The following NME1 variants were observed in gnomAD, a reference collection of about 807,000 sequenced individuals.
NME1 encodes nucleoside diphosphate kinase A.
A neutral mutation model predicts 17.2 loss-of-function variants in NME1; 9 were observed. The observed-to-expected ratio is 0.52, with a 90% confidence interval of 0.32 to 0.92. The LOEUF (loss-of-function observed/expected upper bound fraction) is 0.92. NME1 is among the 40% of genes least tolerant of loss of function. The pLI, the probability that NME1 is intolerant of heterozygous loss-of-function variation, is 0.04. For synonymous variants in NME1, 72 were observed against 70.8 expected, an observed-to-expected ratio of 1.02 and a Z score of -0.09; for missense variants, 169 against 201.7, an observed-to-expected ratio of 0.84 and a Z score of 0.98.
At position 51,161,208 on chromosome 17, in the gene NME1, G is replaced by T. The variant is rs2049860039; in HGVS notation, c.277G>T (p.Glu93Ter). 1 of 1,613,160 alleles carries T rather than the reference G, an allele frequency of 6.2e-7. No individual in the cohort carries two copies. The change falls in exon 4 of 5, where the codon GAG becomes TAG. Residue 93 changes from glutamate (E) to a stop codon, truncating the protein, a stop_gained. Transcript: ENST00000393196. LOFTEE classifies it high-confidence loss of function. The stretch of plus-strand genomic sequence containing the variant: ...GAAGACGGGCCGAGTCATGCTCGGG[G>T]AGACCAACCCTGCAGACTCCAAGCC... Reference protein sequence around the residue: ...VVKTGRVMLGETNPADSKPGT... With the variant: ...VVKTGRVMLG
In NME1 at chr17:51,161,783, T is replaced by G; in HGVS notation, c.397T>G (p.Trp133Gly). Residue 133 changes from tryptophan to glycine, a missense_variant, in exon 5 of 5, where the codon TGG (tryptophan) becomes GGG (glycine). Trp to Gly is a radical substitution (Grantham distance 184). Coordinates refer to ENST00000393196, the MANE Select transcript of NME1 (RefSeq NM_000269.3). Reference protein sequence around the residue: ...VESAEKEIGLWFHPEELVDYT... With the variant: ...VESAEKEIGLGFHPEELVDYT... ...GAGTGCAGAGAAGGAGATCGGCTTG[T>G]GGTTTCACCCTGAGGAACTGGTAGA... 6.2e-7 allele frequency: 1 copy of G among 1,614,152 alleles called. No individual in the cohort carries two copies.
rs982864417 is a variant in NME1 at position 51,162,084 on chromosome 17, CCTT to C, written c.*243_*245del. 1 of 476,460 alleles carries C rather than the reference CCTT, an allele frequency of 2.1e-6. No homozygotes were observed. The highest frequency in any genetic ancestry group is 3.8e-6 in the Non-Finnish European group (1 of 260,366). The allele number at this position is 476,460 out of a possible 1,614,324, so 29.5% of individuals were successfully genotyped here. On this transcript the variant is annotated 3_prime_UTR_variant, in exon 5 of 5. Transcript: ENST00000393196. ...TCATATTGTTGCATTGCTTTTTTTT[CCTT>C]CTTTTCATGTACACTGAATAACCTG...
At chr17:51,160,741 C>T (rs1358960214) in intron 3 of NME1, 2 of 330,030 alleles carry the variant, frequency 6.1e-6, no homozygotes, top group Admixed American at 8.9e-5. Flanking sequence ...TCCTGAGTAG[C>T]TGGGACTACA....
chr17:51,160,889 C>T (rs969614614), intron 3 of NME1, among the ~76,000 whole-genome samples: 6 of 152,086 alleles, frequency 3.9e-5, no homozygotes, highest in Non-Finnish European at 8.8e-5. Context: ...GGATTACAGG[C>T]GTGAGCCACT....
intron 2 of NME1, among the ~76,000 whole-genome samples, chr17:51,159,192 G>A (rs548717276): frequency 2.6e-5 from 4 of 152,138 alleles, no homozygotes; most frequent in Admixed American, 6.5e-5. Flanking sequence ...GGTGGGTCAC[G>A]CCTGTAAGCC....
chr17:51,156,431 A>ATT (rs2049787094), intron 2 of NME1: 1 of 157,566 alleles, frequency 6.3e-6, no homozygotes, highest in Non-Finnish European at 1.4e-5. Flanking sequence ...TCATACCTGT[A>ATT]ATCCCAGCAC....
intron 2 of NME1, chr17:51,156,266 G>C (rs2049784763): frequency 4.8e-6 from 1 of 209,176 alleles, no homozygotes. Context: ...TTTTGGTTTT[G>C]GGGAGGTTCT....
intron 1 of NME1, chr17:51,154,240 A>G: frequency 1.3e-6 from 1 of 796,076 alleles, no homozygotes; most frequent in East Asian, 2.5e-5. Context: ...GTGGCTAGGT[A>G]CCATAGAGTC....
At position 51,155,909 on chromosome 17, in the gene NME1, C is replaced by T. The variant is rs941533597; in HGVS notation, c.126+129C>T. 3.4e-6 allele frequency: 5 copies of T among 1,452,332 alleles called. No individual in the cohort carries two copies. The African/African-American group carries it at 5.6e-5, about 16-fold the overall frequency. 90.0% of individuals were successfully genotyped at this position (1,452,332 alleles called of 1,614,324 possible). A position where few individuals can be genotyped will look rare whatever the true frequency, so the allele number is the denominator to read the frequency against. On this transcript the variant is annotated intron_variant, in intron 2 of 4. Transcript: ENST00000393196. ...AGAGTGAACACAAGTGTCTTGAGAC[C>T]TGGAAACTCCTCAGTGCCCTAGCGT...
chr17:51,159,587 ACT>A (rs1486855244), intron 2 of NME1, among the ~76,000 whole-genome samples: 1 of 151,928 alleles, frequency 6.6e-6, no homozygotes, highest in Non-Finnish European at 1.5e-5. Flanking sequence ...ACAGAGGGAG[ACT>A]CTGTCTCAAA....
At chr17:51,159,935 T>G in intron 2 of NME1, 45 bp from the exon 3 acceptor site, 1 of 1,608,788 alleles carries the variant, frequency 6.2e-7, no homozygotes, top group Non-Finnish European at 8.5e-7. Context: ...TTATATGTCC[T>G]TAGATGGTTT....
At chr17:51,159,346 G>C (rs1470757948) in intron 2 of NME1, among the ~76,000 whole-genome samples, 1 of 152,154 alleles carries the variant, frequency 6.6e-6, no homozygotes, top group Admixed American at 6.5e-5. Flanking sequence ...TACGCCCGTA[G>C]TCCCGGCCCT....
intron 2 of NME1, among the ~76,000 whole-genome samples, chr17:51,159,537 C>T (rs1156421789): frequency 6.6e-6 from 1 of 151,938 alleles, no homozygotes; most frequent in East Asian, 1.9e-4. Flanking sequence ...GTGGAGGTTG[C>T]AGTAAGTCAG....
intron 2 of NME1, among the ~76,000 whole-genome samples, chr17:51,157,677 G>C (rs1032521645): frequency 3.9e-5 from 6 of 152,176 alleles, no homozygotes; most frequent in African/African-American, 1.4e-4. Flanking sequence ...ACTTACTCCT[G>C]TTCTCGTGGT....
chr17:51,161,722 A>G lies in NME1; in HGVS notation c.342-6A>G. The G allele has an allele frequency of 1.9e-6, 3 of 1,607,026 alleles. No homozygotes were observed. Among genetic ancestry groups the G allele is most frequent in the Non-Finnish European group, 2.6e-6 (3 of 1,173,554 alleles). The stretch of plus-strand genomic sequence containing the variant: ...TGGTCATGTGACTATCTCTTTCTCC[A>G]CCCAGGAACATTATACATGGCAGTG... On this transcript the variant is annotated splice_region_variant and splice_polypyrimidine_tract_variant and intron_variant, in intron 4 of 4. Transcript: ENST00000393196.
intron 2 of NME1, among the ~76,000 whole-genome samples, chr17:51,157,660 G>A (rs897805095): frequency 6.6e-6 from 1 of 152,158 alleles, no homozygotes; most frequent in African/African-American, 2.4e-5. Flanking sequence ...TGCCAGCCTT[G>A]AGAAGTACTT....
intron 1 of NME1, 146 bp from the exon 2 acceptor site, chr17:51,155,504 TG>T (rs2144858680): frequency 9.4e-7 from 1 of 1,061,864 alleles, no homozygotes. Flanking sequence ...ATCAGGGGAC[TG>T]GGGAGGAATT....
chr17:51,154,087 TC>T, intron 1 of NME1: 1 of 462,190 alleles, frequency 2.2e-6, no homozygotes, highest in South Asian at 2.3e-5. Context: ...TCCTGTTTTC[TC>T]CTGGACAATT....
At chr17:51,160,338 T>C (rs927560407) in intron 3 of NME1, 2 of 554,444 alleles carry the variant, frequency 3.6e-6, no homozygotes, top group Non-Finnish European at 6.6e-6. Context: ...AGCAGCGATC[T>C]GAATGACAAG....
Sources: gnomAD v4.1 joint callset for allele counts (sites outside exome capture counted in the v4.1 genomes callset) on GRCh38, gnomAD v4.1.1 for gene constraint, MANE v1.5 for transcripts, NCBI Gene and HGNC (gene_info 2026-07-23, HGNC 2026-07-21) for gene names.